The following PTPRD variants were observed in gnomAD, a reference collection of about 807,000 sequenced individuals.
The protein encoded by PTPRD is receptor-type tyrosine-protein phosphatase delta.
PTPRD carries 34 observed loss-of-function variants against 214.5 expected under a neutral mutation model. That is an observed-to-expected ratio of 0.16 (90% CI 0.12 to 0.21). The LOEUF (loss-of-function observed/expected upper bound fraction) is 0.21, where lower values mean the gene tolerates loss of function less well. Among genes scored for constraint, PTPRD ranks in the 10% least tolerant of loss-of-function variants. The pLI is 1.00. For missense variants in PTPRD, 2,545 were observed against 2,398.7 expected (o/e 1.06, Z -1.27); for synonymous variants, 1,128 against 845.7 (o/e 1.33, Z -5.79).
At chr9:10,026,526 C>T (rs1185673121) in intron 4 of PTPRD, among the ~76,000 whole-genome samples, 1 of 152,116 alleles carries the variant, frequency 6.6e-6, no homozygotes, top group Non-Finnish European at 1.5e-5. Context: ...AAAAAGACAA[C>T]GATGGACAAA....
chr9:10,120,984 T>C (rs2098770321), intron 3 of PTPRD, among the ~76,000 whole-genome samples: 7 of 152,166 alleles, frequency 4.6e-5, no homozygotes. Flanking sequence ...TTTATTTATC[T>C]TTGATAAAGT....
At chr9:9,363,287 G>A (rs897518440) in intron 9 of PTPRD, among the ~76,000 whole-genome samples, 1 of 150,820 alleles carries the variant, frequency 6.6e-6, no homozygotes, top group Non-Finnish European at 1.5e-5. Context: ...ATCATAACAA[G>A]TCTTAACATT....
At chr9:9,634,937 A>T (rs1006988048) in intron 7 of PTPRD, among the ~76,000 whole-genome samples, 7 of 152,194 alleles carry the variant, frequency 4.6e-5, no homozygotes, top group African/African-American at 1.4e-4. Flanking sequence ...ATATGTGTAA[A>T]GCTGTAGGAG....
chr9:8,523,292 G>A (rs1220832480), intron 19 of PTPRD, among the ~76,000 whole-genome samples: 1 of 152,054 alleles, frequency 6.6e-6, no homozygotes, highest in East Asian at 1.9e-4. Context: ...AGAGTTAAGT[G>A]TTACCAGTTA....
intron 5 of PTPRD, among the ~76,000 whole-genome samples, chr9:9,930,283 C>A (rs2085998962): frequency 6.6e-6 from 1 of 151,858 alleles, no homozygotes; most frequent in Non-Finnish European, 1.5e-5. Context: ...AATATCGAAG[C>A]CATGGACATA....
chr9:9,790,126 G>T (rs139979826), intron 5 of PTPRD, among the ~76,000 whole-genome samples: 2 of 152,092 alleles, frequency 1.3e-5, no homozygotes, highest in African/African-American at 2.4e-5. Context: ...TGGGAATCTA[G>T]ACTGTACTAT....
intron 2 of PTPRD, among the ~76,000 whole-genome samples, chr9:10,404,118 G>A (rs745873201): frequency 3.3e-5 from 5 of 151,662 alleles, no homozygotes; most frequent in African/African-American, 9.7e-5. Context: ...TGTACTTTCC[G>A]TTCAAATTTT....
intron 11 of PTPRD, among the ~76,000 whole-genome samples, chr9:8,784,399 G>T (rs1348589188): frequency 1.3e-5 from 2 of 152,180 alleles, no homozygotes; most frequent in Non-Finnish European, 2.9e-5. Context: ...AGTAAAGGCA[G>T]ATATTTTCAT....
At chr9:9,622,446 T>C (rs1306574879) in intron 7 of PTPRD, among the ~76,000 whole-genome samples, 1 of 152,216 alleles carries the variant, frequency 6.6e-6, no homozygotes, top group Non-Finnish European at 1.5e-5. Context: ...TTATTATTTT[T>C]ATCATTTACG....
At chr9:9,972,767 G>A (rs1222666318) in intron 4 of PTPRD, among the ~76,000 whole-genome samples, 1 of 152,042 alleles carries the variant, frequency 6.6e-6, no homozygotes, top group Non-Finnish European at 1.5e-5. Context: ...CTTGTCTTGT[G>A]GCTTACGGGC....
rs180987204 is a variant in PTPRD, at chr9:10,508,015, C to T, written c.-600+104383G>A. 3.8e-3 allele frequency among the ~76,000 whole-genome samples: 577 copies of T among 152,182 alleles called. 3 individuals are homozygous for T. Among genetic ancestry groups the T allele is most frequent in the African/African-American group, 0.013 (539 of 41,526 alleles). On this transcript the variant is annotated intron_variant, in intron 2 of 45. Coordinates refer to ENST00000381196, the MANE Select transcript of PTPRD (RefSeq NM_002839.4). The stretch of plus-strand genomic sequence containing the variant: ...ACTACCATCAGAGTGAACAGGCAAC[C>T]TACAGAATGGGAGAAAATTTTTGCA...
At chr9:10,256,026 A>G (rs963604092) in intron 3 of PTPRD, among the ~76,000 whole-genome samples, 1 of 152,174 alleles carries the variant, frequency 6.6e-6, no homozygotes, top group Non-Finnish European at 1.5e-5. Flanking sequence ...CAGCAGCATT[A>G]GATTATCACA....
chr9:10,584,533 T>C (rs2073255201), intron 2 of PTPRD, among the ~76,000 whole-genome samples: 1 of 152,186 alleles, frequency 6.6e-6, no homozygotes. Flanking sequence ...TCTGATTCTT[T>C]GAAAGCCAGT....
At chr9:9,753,370 C>T (rs2098540320) in intron 6 of PTPRD, among the ~76,000 whole-genome samples, 1 of 151,968 alleles carries the variant, frequency 6.6e-6, no homozygotes, top group Non-Finnish European at 1.5e-5. Context: ...CTGGACCCGC[C>T]AGAGCTGGTA....
intron 10 of PTPRD, among the ~76,000 whole-genome samples, chr9:9,163,099 T>C (rs991515645): frequency 2.0e-5 from 3 of 152,132 alleles, no homozygotes; most frequent in Admixed American, 6.6e-5. Context: ...GGCTCAGTTC[T>C]AGTCTTTTTC....
At chr9:8,609,137 A>G (rs1296536768) in intron 14 of PTPRD, among the ~76,000 whole-genome samples, 1 of 152,224 alleles carries the variant, frequency 6.6e-6, no homozygotes, top group Non-Finnish European at 1.5e-5. Flanking sequence ...CAATGAATGT[A>G]ATTTTAATAT....
intron 9 of PTPRD, among the ~76,000 whole-genome samples, chr9:9,227,774 G>C (rs1052246003): frequency 6.6e-6 from 1 of 152,064 alleles, no homozygotes; most frequent in Non-Finnish European, 1.5e-5. Context: ...CCTGCCCATA[G>C]CCATGTGAAT....
rs887383087 is a variant in PTPRD at position 8,557,451 on chromosome 9, T to TACATACAC, written c.353-28673_353-28672insGTGTATGT. ...TTGTAAATACATATATATATATATA[T>TACATACAC]ATATATTTGGGCCGGGCGCGGTGGC... On this transcript the variant is annotated intron_variant, in intron 14 of 45. Transcript: ENST00000381196. 1.6e-4 allele frequency among the ~76,000 whole-genome samples: 22 copies of TACATACAC among 135,366 alleles called. 2 individuals are homozygous for TACATACAC. The highest frequency in any genetic ancestry group is 7.4e-4 in the African/African-American group (21 of 28,482). 88.8% of individuals were successfully genotyped at this position (135,366 alleles called of 152,430 possible). A position where few individuals can be genotyped will look rare whatever the true frequency, so the allele number is the denominator to read the frequency against.
Position 9,596,305 on chromosome 9 carries a change from C to T in PTPRD, c.-286-21524G>A, listed in dbSNP as rs573466072. Among the ~76,000 whole-genome samples, 7 of 151,930 alleles carry T rather than the reference C, an allele frequency of 4.6e-5. 1 individual carries two copies. Among genetic ancestry groups the T allele is most frequent in the African/African-American group, 7.2e-5 (3 of 41,508 alleles). On this transcript the variant is annotated intron_variant, in intron 7 of 45. Transcript: ENST00000381196. ...AGAATATTCCTGAAGAATAGTAATTCTTTATGTGTATTAAACATGTTACAC... is the reference window on the plus strand; with the variant it reads ...AGAATATTCCTGAAGAATAGTAATTTTTTATGTGTATTAAACATGTTACAC...
Sources: allele counts gnomAD v4.1 joint callset (sites outside exome capture counted in the v4.1 genomes callset), GRCh38; gene constraint gnomAD v4.1.1; transcripts MANE v1.5; gene names NCBI Gene and HGNC (gene_info 2026-07-23, HGNC 2026-07-21).